The following RALGAPA2 variants were observed in gnomAD, a reference collection of about 807,000 sequenced individuals.
The protein encoded by RALGAPA2 is ral GTPase-activating protein subunit alpha-2.
A neutral mutation model predicts 230.4 loss-of-function variants in RALGAPA2; 139 were observed. That is an observed-to-expected ratio of 0.60 (90% CI 0.53 to 0.69). RALGAPA2 has a LOEUF of 0.69. Ranked by LOEUF, RALGAPA2 falls within the 30% of genes least tolerant of loss-of-function variation. The pLI is 0.00. For synonymous variants in RALGAPA2, 847 were observed against 837.8 expected, an observed-to-expected ratio of 1.01 and a Z score of -0.19; for missense variants, 2,163 against 2,276.0, an observed-to-expected ratio of 0.95 and a Z score of 1.01.
At chr20:20,439,089 T>C (rs2060677548) in intron 37 of RALGAPA2, among the ~76,000 whole-genome samples, 1 of 152,166 alleles carries the variant, frequency 6.6e-6, no homozygotes, top group Non-Finnish European at 1.5e-5. Flanking sequence ...AAACGGAGAC[T>C]AGGAGACGTG....
chr20:20,397,040 G>A (rs2059733820), intron 38 of RALGAPA2, among the ~76,000 whole-genome samples: 1 of 152,240 alleles, frequency 6.6e-6, no homozygotes, highest in Non-Finnish European at 1.5e-5. Context: ...ATGCTGAACA[G>A]CACTGACAGC....
intron 4 of RALGAPA2, among the ~76,000 whole-genome samples, chr20:20,643,976 T>C (rs2067125634): frequency 1.3e-5 from 2 of 152,160 alleles, no homozygotes; most frequent in African/African-American, 4.8e-5. Context: ...TTATGGGGTT[T>C]GGTCCATCAA....
chr20:20,699,393 C>A (rs778762706), intron 1 of RALGAPA2, among the ~76,000 whole-genome samples: 44 of 152,156 alleles, frequency 2.9e-4, no homozygotes, highest in African/African-American at 1.1e-3. Flanking sequence ...ATAAGCTATA[C>A]CACGTCAAGC....
Position 20,535,759 on chromosome 20 carries a change from T to C in RALGAPA2, c.3459A>G (p.Pro1153=), listed in dbSNP as rs2063480621. Residue 1153 remains proline (P), a synonymous_variant, in exon 26 of 40, where the codon CCA becomes CCG. Coordinates refer to ENST00000202677, the MANE Select transcript of RALGAPA2 (RefSeq NM_020343.4). ...TCAACATTTACCTTGCATATTCATTTGGTTCTTCTGTGGCATTCTTCAGTA... is the reference window on the plus strand; with the variant it reads ...TCAACATTTACCTTGCATATTCATTCGGTTCTTCTGTGGCATTCTTCAGTA... The part of the protein sequence containing the change: ...NILLKNATEE[P]NEYARCIAVC... The C allele has an allele frequency of 6.5e-7, 1 of 1,548,920 alleles. No homozygotes were observed. Among genetic ancestry groups the C allele is most frequent in the African/African-American group, 1.4e-5 (1 of 73,138 alleles).
rs532863645 is a variant in RALGAPA2, at chr20:20,631,011, C to T, written c.1006-1421G>A. On this transcript the variant is annotated intron_variant, in intron 9 of 39. Transcript: ENST00000202677. ...CCACAGAGACGTGAGGCCCATGTCC[C>T]CTCCCTTTCATCTACATGGACTGTA... is the stretch of plus-strand genomic sequence containing the variant. Among the ~76,000 whole-genome samples, 5 of 152,276 alleles carry T rather than the reference C, an allele frequency of 3.3e-5. No individual in the cohort carries two copies. The South Asian group carries it at 1.0e-3, about 32-fold the overall frequency.
intron 30 of RALGAPA2, among the ~76,000 whole-genome samples, chr20:20,521,416 G>T (rs1212627979): frequency 6.6e-6 from 1 of 152,110 alleles, no homozygotes; most frequent in Admixed American, 6.5e-5. Context: ...CTAATCTGGG[G>T]ATGAAGGGTA....
At chr20:20,650,774 C>T (rs998850857) in intron 4 of RALGAPA2, among the ~76,000 whole-genome samples, 3 of 152,166 alleles carry the variant, frequency 2.0e-5, no homozygotes, top group African/African-American at 7.2e-5. Flanking sequence ...GTTTCTACAA[C>T]AACTCAGTCA....
intron 35 of RALGAPA2, among the ~76,000 whole-genome samples, chr20:20,495,765 G>C (rs182538269): frequency 2.6e-5 from 4 of 152,294 alleles, no homozygotes; most frequent in Admixed American, 6.5e-5. Flanking sequence ...CTAGATTTGT[G>C]ACAAACCTTT....
chr20:20,598,233 A>G (rs1333401995), intron 16 of RALGAPA2, among the ~76,000 whole-genome samples: 1 of 152,226 alleles, frequency 6.6e-6, no homozygotes, highest in African/African-American at 2.4e-5. Flanking sequence ...ATTACTTCAC[A>G]TATATGATTT....
rs199571233 is a variant in RALGAPA2 at position 20,673,225 on chromosome 20, T to TA, written c.270+3010dup. ...TAAAAATAAAAATAAAAATAAAATT[T>TA]AAAAAAATGAAAAAAAAGAAGCCAG... is the stretch of plus-strand genomic sequence containing the variant. On this transcript the variant is annotated intron_variant, in intron 3 of 39. Transcript: ENST00000202677. 5.4e-3 allele frequency among the ~76,000 whole-genome samples: 802 copies of TA among 148,586 alleles called. 6 individuals carry two copies. The highest frequency in any genetic ancestry group is 0.019 in the African/African-American group (764 of 40,634).
chr20:20,483,265 T>C (rs2061825247), intron 36 of RALGAPA2, among the ~76,000 whole-genome samples: 1 of 152,178 alleles, frequency 6.6e-6, no homozygotes. Context: ...TCAATAGTAA[T>C]TGCAATCATG....
intron 1 of RALGAPA2, among the ~76,000 whole-genome samples, chr20:20,702,012 C>T (rs1466955326): frequency 2.0e-5 from 3 of 150,276 alleles, no homozygotes; most frequent in Non-Finnish European, 4.4e-5. Context: ...TGCACTCTAG[C>T]CTGGGCGACA....
intron 13 of RALGAPA2, among the ~76,000 whole-genome samples, chr20:20,615,034 T>A (rs1319277991): frequency 2.0e-5 from 3 of 152,058 alleles, no homozygotes; most frequent in African/African-American, 7.2e-5. Context: ...TTGAGGAGCA[T>A]TTTAAAGGCA....
Position 20,591,175 on chromosome 20 carries a change from A to G in RALGAPA2, c.2341+2T>C. ...GTATTAAACACTGAAGACATCATGT[A>G]CCCTGAGAAGAATCTGAGCACAGCG... On this transcript the variant is annotated splice_donor_variant, in intron 17 of 39. Transcript: ENST00000202677. LOFTEE classifies it high-confidence loss of function. 1 of 1,613,628 alleles carries G rather than the reference A, an allele frequency of 6.2e-7. No homozygotes were observed. The highest frequency in any genetic ancestry group is 8.5e-7 in the Non-Finnish European group (1 of 1,179,684).
At chr20:20,523,013 T>A (rs1354852023) in intron 30 of RALGAPA2, among the ~76,000 whole-genome samples, 1 of 152,036 alleles carries the variant, frequency 6.6e-6, no homozygotes, top group Non-Finnish European at 1.5e-5. Context: ...TACTTTTTAG[T>A]AGAATTTCAA....
chr20:20,543,016 G>A (rs950980073), intron 24 of RALGAPA2, among the ~76,000 whole-genome samples: 3 of 151,964 alleles, frequency 2.0e-5, no homozygotes, highest in Admixed American at 6.6e-5. Flanking sequence ...AACCATCAAA[G>A]GGCTAATATC....
intron 37 of RALGAPA2, among the ~76,000 whole-genome samples, chr20:20,468,498 G>C (rs2061469393): frequency 6.6e-6 from 1 of 152,116 alleles, no homozygotes; most frequent in African/African-American, 2.4e-5. Context: ...CAGTAATTCA[G>C]TTCTAGGTCC....
chr20:20,551,903 G>A (rs912187922), intron 23 of RALGAPA2, among the ~76,000 whole-genome samples: 12 of 152,124 alleles, frequency 7.9e-5, no homozygotes, highest in Admixed American at 2.0e-4. Flanking sequence ...CGTTCTGGAA[G>A]CATTTCCATT....
In RALGAPA2 at chr20:20,567,857, T is replaced by TAATAAAATAA. The variant is rs10525989; in HGVS notation, c.3156+3591_3156+3600dup. The stretch of plus-strand genomic sequence containing the variant: ...ACCCCATCTCTAAAAAAAAAAGCAA[T>TAATAAAATAA]AATAAAATAAAATAAAATAAAATAA... On this transcript the variant is annotated intron_variant, in intron 23 of 39. Transcript: ENST00000202677. 2.9e-3 allele frequency among the ~76,000 whole-genome samples: 363 copies of TAATAAAATAA among 125,486 alleles called. 1 individual carries two copies. The highest frequency in any genetic ancestry group is 3.4e-3 in the East Asian group (15 of 4,348). The allele number at this position is 125,486 out of a possible 152,430, so 82.3% of individuals were successfully genotyped here.
Sources: allele counts gnomAD v4.1 joint callset (sites outside exome capture counted in the v4.1 genomes callset), GRCh38; gene constraint gnomAD v4.1.1; transcripts MANE v1.5; gene names NCBI Gene and HGNC (gene_info 2026-07-23, HGNC 2026-07-21).